The following RNF212 variants were observed in gnomAD, a reference collection of about 807,000 sequenced individuals.
RNF212 encodes ring finger protein 212, also known as probable E3 SUMO-protein ligase RNF212.
A neutral mutation model predicts 34.7 loss-of-function variants in RNF212; 33 were observed. The observed-to-expected ratio is 0.95, with a 90% CI of 0.72 to 1.27. The LOEUF is 1.27. Ranked by LOEUF, RNF212 falls within the 50% of genes most tolerant of loss-of-function variation. The pLI is 0.00. For synonymous variants in RNF212, 140 were observed against 136.1 expected (o/e 1.03, Z -0.20); for missense variants, 377 against 362.2 (o/e 1.04, Z -0.33).
At chr4:1,090,204 A>G (rs1360279801) in intron 4 of RNF212, among the ~76,000 whole-genome samples, 1 of 149,252 alleles carries the variant, frequency 6.7e-6, no homozygotes, top group Non-Finnish European at 1.5e-5. Context: ...CAAGGTGACA[A>G]GACAGGGTGG....
downstream of RNF212, among the ~76,000 whole-genome samples, chr4:1,067,847 G>A (rs192728018): frequency 2.1e-5 from 3 of 143,530 alleles, no homozygotes; most frequent in Non-Finnish European, 4.5e-5. Flanking sequence ...CAGCCTGGGC[G>A]ACACAGCGAG....
chr4:1,106,972 T>C (rs192249422), intron 2 of RNF212, among the ~76,000 whole-genome samples: 63 of 152,234 alleles, frequency 4.1e-4, no homozygotes, highest in Admixed American at 1.9e-3. Context: ...ATCCAAAGGC[T>C]CACTGATAGG....
chr4:1,082,548 C>T (rs1380415942), intron 5 of RNF212, among the ~76,000 whole-genome samples: 1 of 152,200 alleles, frequency 6.6e-6, no homozygotes, highest in African/African-American at 2.4e-5. Flanking sequence ...GGCAGTTGCA[C>T]AACAGCTCAA....
At chr4:1,089,556 T>C (rs1313258326) in intron 4 of RNF212, among the ~76,000 whole-genome samples, 1 of 152,088 alleles carries the variant, frequency 6.6e-6, no homozygotes, top group Non-Finnish European at 1.5e-5. Context: ...GCTGGGAAGG[T>C]ATGATTGTGT....
In RNF212 at chr4:1,101,703, TG is replaced by T. The variant is rs1724020412; in HGVS notation, c.172-4865del. The T allele has an allele frequency of 4.6e-5, 9 of 196,938 alleles. No individual in the cohort carries two copies. The South Asian group carries it at 1.0e-3, about 22-fold the overall frequency. 12.2% of individuals were successfully genotyped at this position (196,938 alleles called of 1,614,324 possible). A position where few individuals can be genotyped will look rare whatever the true frequency, so the allele number is the denominator to read the frequency against. ...TGAGTGTCATCCCTCCTCCAGCTCC[TG>T]CCATAGGGAAACAAAAATACACATA... On this transcript the variant is annotated intron_variant, in intron 2 of 9. Coordinates refer to ENST00000433731, the MANE Select transcript of RNF212 (RefSeq NM_001131034.4).
At chr4:1,106,462 G>T (rs1232863883) in intron 2 of RNF212, among the ~76,000 whole-genome samples, 1 of 152,132 alleles carries the variant, frequency 6.6e-6, no homozygotes, top group Non-Finnish European at 1.5e-5. Flanking sequence ...ATGACAGGGA[G>T]CTAAAAGCTA....
Position 1,105,575 on chromosome 4 carries a change from C to T in RNF212, c.171+2768G>A, listed in dbSNP as rs141767469. On this transcript the variant is annotated intron_variant, in intron 2 of 9. Transcript: ENST00000433731. ...TGTCACAATCAGGTCTGGGGAAGTC[C>T]ACTTACAATGTGTTTTGTTTTAAAG... is the stretch of plus-strand genomic sequence containing the variant. 6.3e-4 allele frequency among the ~76,000 whole-genome samples: 96 copies of T among 152,336 alleles called. 1 individual carries two copies. The East Asian group carries it at 0.015, about 24-fold the overall frequency.
Position 1,093,851 on chromosome 4 carries a change from G to T in RNF212, c.246+2914C>A, listed in dbSNP as rs780351099. 7 of 1,536,078 alleles carry T rather than the reference G, an allele frequency of 4.6e-6. No homozygotes were observed. In the African/African-American group the frequency reaches 8.2e-5, roughly 18 times the overall value. On this transcript the variant is annotated intron_variant, in intron 3 of 9. Coordinates refer to ENST00000433731, the MANE Select transcript of RNF212 (RefSeq NM_001131034.4). The stretch of plus-strand genomic sequence containing the variant: ...TCCCTGGGCCTCTGGCTGGCTCTGG[G>T]ACCGCCGGCATCCTGGTCTGGGTGC...
chr4:1,112,398 T>C (rs537137630), intron 1 of RNF212, among the ~76,000 whole-genome samples: 5 of 152,070 alleles, frequency 3.3e-5, no homozygotes, highest in Non-Finnish European at 7.4e-5. Context: ...GGCACCCAGC[T>C]GGCTGCTTTC....
In RNF212 at chr4:1,113,495, GGCCCACGCGAA is replaced by G. The variant is rs775576295; in HGVS notation, c.-42_-32del. 2 of 1,578,372 alleles carry G rather than the reference GGCCCACGCGAA, an allele frequency of 1.3e-6. No homozygotes were observed. Among genetic ancestry groups the G allele is most frequent in the Non-Finnish European group, 1.7e-6 (2 of 1,155,788 alleles). On this transcript the variant is annotated 5_prime_UTR_variant, in exon 1 of 10. Transcript: ENST00000433731. ...GCGGGCGACCGCAGCGGCGAGGCCG[GGCCCACGCGAA>G]GCCCACGCAAGGTTGGGACCAGCCT...
rs1199017878 is a variant in RNF212, at chr4:1,090,833, T to G, written c.252A>C (p.Leu84Phe). The change falls in exon 4 of 10, where the codon TTA (leucine) becomes TTC (phenylalanine). Residue 84 changes from leucine to phenylalanine, a missense_variant. Coordinates refer to ENST00000433731, the MANE Select transcript of RNF212 (RefSeq NM_001131034.4). ...TCTTCCTGTGTTTTTCTTGAAATTC[T>G]AAAATCTGAAAAGATCATAGGTTTC... is the stretch of plus-strand genomic sequence containing the variant. ...KKYSRETSQILEFQEKHRKRL... is the reference protein window; with the variant it reads ...KKYSRETSQIFEFQEKHRKRL... 1 of 1,587,484 alleles carries G rather than the reference T, an allele frequency of 6.3e-7. No individual in the cohort carries two copies. The highest frequency in any genetic ancestry group is 1.1e-5 in the South Asian group (1 of 90,232).
Position 1,099,117 on chromosome 4 carries a change from C to T in RNF212, c.172-2278G>A, listed in dbSNP as rs117192583. Among the ~76,000 whole-genome samples, 376 of 152,244 alleles carry T rather than the reference C, an allele frequency of 2.5e-3. 8 individuals are homozygous for T. In the East Asian group the frequency reaches 0.057, roughly 23 times the overall value. ...TGCACAGACCTCAGTGAGGCCTGAG[C>T]GGGAGAACACAGGCAGCCATTCCTC... On this transcript the variant is annotated intron_variant, in intron 2 of 9. Coordinates refer to ENST00000433731, the MANE Select transcript of RNF212 (RefSeq NM_001131034.4).
rs765629935 is a variant in RNF212, at chr4:1,072,958, A to G, written c.810T>C (p.Ala270=). The change falls in exon 10 of 10, where the codon GCT becomes GCC. Residue 270 remains alanine (A), a synonymous_variant. Coordinates refer to ENST00000433731, the MANE Select transcript of RNF212 (RefSeq NM_001131034.4). ...QRAVLFPFQQ[A]EGTLDTFRTP... Reference sequence around the variant, plus strand: ...TTCTGAACGTGTCCAGGGTGCCCTCAGCCTGCTGGAACGGAAACAAGACGG... The same window carrying G: ...TTCTGAACGTGTCCAGGGTGCCCTCGGCCTGCTGGAACGGAAACAAGACGG... 7.4e-6 allele frequency: 12 copies of G among 1,614,200 alleles called. No individual in the cohort carries two copies. The highest frequency in any genetic ancestry group is 1.0e-5 in the Non-Finnish European group (12 of 1,180,012).
At chr4:1,081,862 C>G in intron 5 of RNF212, 1 of 503,328 alleles carries the variant, frequency 2.0e-6, no homozygotes, top group Non-Finnish European at 3.6e-6. Context: ...CTGGCTCTTA[C>G]AACTGCAACT....
At chr4:1,075,121 C>T (rs917376803) in intron 8 of RNF212, among the ~76,000 whole-genome samples, 1 of 152,326 alleles carries the variant, frequency 6.6e-6, no homozygotes, top group South Asian at 2.1e-4. Context: ...TGTAAATGGG[C>T]CATGGCAGAC....
At chr4:1,100,945 G>C (rs549751255) in intron 2 of RNF212, 1 of 175,244 alleles carries the variant, frequency 5.7e-6, no homozygotes, top group East Asian at 1.4e-4. Flanking sequence ...TAGCTGTTCA[G>C]ATGGAATTCT....
intron 1 of RNF212, 112 bp from the exon 2 acceptor site, chr4:1,108,516 C>T (rs1057347977): frequency 1.4e-5 from 7 of 515,712 alleles, no homozygotes; most frequent in Non-Finnish European, 2.0e-5. Flanking sequence ...GTATCACTTA[C>T]AGGTTTTCAT....
At position 1,072,930 on chromosome 4, in the gene RNF212, G is replaced by T; in HGVS notation, c.838C>A (p.Pro280Thr). The stretch of plus-strand genomic sequence containing the variant: ...AGAGGAAACACAACAGACACAGCGG[G>T]TGTTCTGAACGTGTCCAGGGTGCCC... ...AEGTLDTFRT[P>T]AVSVVFPLCQ... Residue 280 changes from proline (P) to threonine (T), a missense_variant, in exon 10 of 10, where the codon CCC (proline) becomes ACC (threonine). By Grantham distance (38) the Pro-to-Thr change is conservative. Transcript: ENST00000433731. 6.2e-7 allele frequency: 1 copy of T among 1,613,880 alleles called. No individual in the cohort carries two copies. The highest frequency in any genetic ancestry group is 1.1e-5 in the South Asian group (1 of 91,066).
At chr4:1,110,817 T>C (rs1174270354) in intron 1 of RNF212, among the ~76,000 whole-genome samples, 3 of 152,174 alleles carry the variant, frequency 2.0e-5, no homozygotes, top group East Asian at 1.9e-4. Context: ...CACTTTTTTG[T>C]GTGTCTTTGG....
Sources: allele counts gnomAD v4.1 joint callset (sites outside exome capture counted in the v4.1 genomes callset), GRCh38; gene constraint gnomAD v4.1.1; transcripts MANE v1.5; gene names NCBI Gene and HGNC (gene_info 2026-07-23, HGNC 2026-07-21).